MTHFD1L: variants seen among roughly 807,000 people sequenced by gnomAD.
The protein encoded by MTHFD1L is methylenetetrahydrofolate dehydrogenase (NADP+ dependent) 1 like, also known as monofunctional C1-tetrahydrofolate synthase, mitochondrial.
Under a neutral mutation model 119.5 loss-of-function variants are expected in MTHFD1L, and 81 were observed. That is an observed-to-expected ratio of 0.68 (90% confidence interval 0.57 to 0.82). The LOEUF is 0.82. Ranked by LOEUF, MTHFD1L falls within the 40% of genes least tolerant of loss-of-function variation. MTHFD1L has a pLI of 0.00. For missense variants in MTHFD1L, 1,125 were observed against 1,253.4 expected (o/e 0.90, Z 1.55); for synonymous variants, 430 against 475.2 (o/e 0.90, Z 1.24).
At chr6:151,028,173 T>C (rs1220240320) in intron 24 of MTHFD1L, among the ~76,000 whole-genome samples, 1 of 152,274 alleles carries the variant, frequency 6.6e-6, no homozygotes, top group East Asian at 1.9e-4. Flanking sequence ...AGTACCGTCA[T>C]GTGTGGGTGG....
rs1797924871 is a variant in MTHFD1L at position 150,970,958 on chromosome 6, A to G, written c.2014-989A>G. Among the ~76,000 whole-genome samples the G allele has an allele frequency of 2.0e-5, 3 of 152,196 alleles. No homozygotes were observed. The South Asian group carries it at 6.2e-4, about 32-fold the overall frequency. ...AATTCCCTTAGCCTCTCTGGGCCTT[A>G]AATTTCTGGATAAAGAAGTTGGCTG... On this transcript the variant is annotated intron_variant, in intron 19 of 27. Coordinates refer to ENST00000367321, the MANE Select transcript of MTHFD1L (RefSeq NM_015440.5).
At chr6:150,867,290 C>G (rs1778563290) in intron 1 of MTHFD1L, among the ~76,000 whole-genome samples, 1 of 152,184 alleles carries the variant, frequency 6.6e-6, no homozygotes, top group Non-Finnish European at 1.5e-5. Context: ...CTCCTGGGCT[C>G]AAGCGATTCT....
intron 26 of MTHFD1L, among the ~76,000 whole-genome samples, chr6:151,038,339 G>A (rs1274339514): frequency 6.6e-6 from 1 of 152,120 alleles, no homozygotes; most frequent in Non-Finnish European, 1.5e-5. Context: ...AGTGAGTTTT[G>A]ACTCAAAGGC....
intron 14 of MTHFD1L, 139 bp downstream of exon 14, chr6:150,944,732 C>T (rs1793662304): frequency 1.5e-6 from 1 of 658,830 alleles, no homozygotes; most frequent in African/African-American, 1.8e-5. Flanking sequence ...TTACATATGT[C>T]CCTGTTTCCC....
chr6:150,985,198 T>A (rs1368770827), intron 20 of MTHFD1L: 1 of 152,248 alleles, frequency 6.6e-6, no homozygotes, highest in Non-Finnish European at 1.5e-5. Flanking sequence ...TTTCAAGTGC[T>A]GAATACCTCT....
intron 8 of MTHFD1L, among the ~76,000 whole-genome samples, chr6:150,914,134 A>G (rs934024640): frequency 1.3e-5 from 2 of 152,028 alleles, no homozygotes; most frequent in Non-Finnish European, 2.9e-5. Flanking sequence ...CGTCTCAAAA[A>G]CAAAAAACAA....
intron 16 of MTHFD1L, among the ~76,000 whole-genome samples, chr6:150,955,392 T>A (rs576424182): frequency 2.6e-5 from 4 of 152,202 alleles, no homozygotes; most frequent in Non-Finnish European, 5.9e-5. Context: ...CTTCCTCCTT[T>A]TGACTATTTT....
chr6:150,932,804 AAGAG>A lies in MTHFD1L; in HGVS notation c.1257-3997_1257-3994del, dbSNP rs1360453468. 7.0e-5 allele frequency among the ~76,000 whole-genome samples: 9 copies of A among 128,330 alleles called. No homozygotes were observed. In the South Asian group the frequency reaches 7.5e-4, roughly 11 times the overall value. The allele number at this position is 128,330 out of a possible 152,430, so 84.2% of individuals were successfully genotyped here. On this transcript the variant is annotated intron_variant, in intron 11 of 27. Transcript: ENST00000367321. The stretch of plus-strand genomic sequence containing the variant: ...AAAAAGAGAAAGGAAGAAAGGGAGG[AAGAG>A]AGGGAGGGAGGAAGGAAGGAAGGAA...
At chr6:150,955,518 T>TTC (rs1562448984) in intron 16 of MTHFD1L, among the ~76,000 whole-genome samples, 3 of 117,456 alleles carry the variant, frequency 2.6e-5, no homozygotes, top group Non-Finnish European at 1.8e-5. Context: ...TTTTTTTTTT[T>TTC]AGAGGGGGTC....
Position 150,918,681 on chromosome 6 carries a change from T to C in MTHFD1L, c.984+13T>C. ...TCTGCGAATTCAGGTTTGTTCAACA[T>C]AGCTGTCTGAGAATCTTGAGTTTGG... is the stretch of plus-strand genomic sequence containing the variant. On this transcript the variant is annotated intron_variant, in intron 9 of 27. Transcript: ENST00000367321. 1 of 1,605,014 alleles carries C rather than the reference T, an allele frequency of 6.2e-7. No homozygotes were observed. Among genetic ancestry groups the C allele is most frequent in the Non-Finnish European group, 8.5e-7 (1 of 1,172,372 alleles).
chr6:151,000,895 T>C (rs1188592447), intron 20 of MTHFD1L, among the ~76,000 whole-genome samples: 2 of 152,258 alleles, frequency 1.3e-5, no homozygotes, highest in Non-Finnish European at 2.9e-5. Flanking sequence ...GCATACACCT[T>C]GCTTGTTCCT....
At chr6:151,003,846 A>C (rs1312115902) in intron 20 of MTHFD1L, among the ~76,000 whole-genome samples, 1 of 152,102 alleles carries the variant, frequency 6.6e-6, no homozygotes, top group East Asian at 1.9e-4. Flanking sequence ...GACCGGGGGC[A>C]CCACACTGGG....
intron 20 of MTHFD1L, among the ~76,000 whole-genome samples, chr6:150,986,700 G>A (rs1356894272): frequency 6.6e-6 from 1 of 152,048 alleles, no homozygotes; most frequent in African/African-American, 2.4e-5. Context: ...AGGGGGTTAG[G>A]GGTCTCTGTT....
intron 24 of MTHFD1L, among the ~76,000 whole-genome samples, chr6:151,025,086 A>T (rs1784442183): frequency 1.3e-5 from 2 of 152,232 alleles, no homozygotes; most frequent in South Asian, 4.1e-4. Flanking sequence ...CATGTGGAGA[A>T]ATGCAGCTTT....
intron 20 of MTHFD1L, among the ~76,000 whole-genome samples, chr6:150,999,468 A>G (rs1009372406): frequency 1.3e-5 from 2 of 152,324 alleles, no homozygotes; most frequent in Non-Finnish European, 2.9e-5. Context: ...GTTGGCCAAG[A>G]GCAGAAGGCT....
chr6:150,934,415 A>G (rs1583642931), intron 11 of MTHFD1L, among the ~76,000 whole-genome samples: 1 of 152,244 alleles, frequency 6.6e-6, no homozygotes, highest in East Asian at 1.9e-4. Flanking sequence ...ATTCAGTCTG[A>G]CTGCCCTATT....
At chr6:150,977,238 GTTTTGCTGA>G (rs1384068343) in intron 20 of MTHFD1L, among the ~76,000 whole-genome samples, 1 of 152,140 alleles carries the variant, frequency 6.6e-6, no homozygotes. Flanking sequence ...CATATTACTG[GTTTTGCTGA>G]TTTAGTCTAA....
At chr6:150,970,699 T>C (rs1451365067) in intron 19 of MTHFD1L, among the ~76,000 whole-genome samples, 2 of 152,216 alleles carry the variant, frequency 1.3e-5, no homozygotes, top group Admixed American at 1.3e-4. Flanking sequence ...GAACTCAAGA[T>C]AAATGTGTGT....
chr6:151,070,527 T>C (rs552864079), intron 26 of MTHFD1L, among the ~76,000 whole-genome samples: 1 of 152,342 alleles, frequency 6.6e-6, no homozygotes, highest in Non-Finnish European at 1.5e-5. Context: ...TTTGTGACAT[T>C]GTCTTTGAGA....
Sources: allele counts gnomAD v4.1 joint callset (sites outside exome capture counted in the v4.1 genomes callset), GRCh38; gene constraint gnomAD v4.1.1; transcripts MANE v1.5; gene names NCBI Gene and HGNC (gene_info 2026-07-23, HGNC 2026-07-21).